DLG2: variants seen among roughly 807,000 people sequenced by gnomAD.
DLG2 encodes discs large MAGUK scaffold protein 2, also known as disks large homolog 2.
In DLG2, 45 loss-of-function variants were observed where a neutral mutation model predicts 132.5. That is an observed-to-expected ratio of 0.34 (90% CI 0.27 to 0.44). The LOEUF is 0.44. Ranked by LOEUF, DLG2 falls within the 20% of genes least tolerant of loss-of-function variation. The probability of loss-of-function intolerance (pLI) is 1.00; values close to 1 mark genes in which losing one functional copy is unlikely to be tolerated. For synonymous variants in DLG2, 424 were observed against 419.6 expected (o/e 1.01, Z -0.13); for missense variants, 1,045 against 1,196.9 (o/e 0.87, Z 1.87).
chr11:83,924,683 C>T (rs918049215), intron 15 of DLG2, among the ~76,000 whole-genome samples: 7 of 152,080 alleles, frequency 4.6e-5, no homozygotes, highest in African/African-American at 1.7e-4. Flanking sequence ...TCATTCTCAC[C>T]TCAGCCTGAG....
intron 16 of DLG2, among the ~76,000 whole-genome samples, chr11:83,855,167 CA>C (rs1248930725): frequency 2.0e-5 from 3 of 152,120 alleles, no homozygotes; most frequent in Admixed American, 2.0e-4. Flanking sequence ...AGAATACTGA[CA>C]AAAACAAATG....
intron 21 of DLG2, among the ~76,000 whole-genome samples, chr11:83,517,073 C>G (rs2095320623): frequency 6.6e-6 from 1 of 152,124 alleles, no homozygotes. Flanking sequence ...GTTGGCCTGC[C>G]TTGCTAGATT....
rs558597260 is a variant in DLG2 at position 84,533,905 on chromosome 11, C to CAAAAAAA, written c.519+658_519+664dup. Among the ~76,000 whole-genome samples the CAAAAAAA allele has an allele frequency of 3.0e-3, 212 of 70,282 alleles. 16 individuals carry two copies. The highest frequency in any genetic ancestry group is 3.9e-3 in the Non-Finnish European group (147 of 37,686). 46.1% of individuals were successfully genotyped at this position (70,282 alleles called of 152,430 possible). ...CAAAATCCAGTAGCGCCAGTTCAGC[C>CAAAAAAA]AAAAAAAAAAAAAAAAAAAAAAAAA... On this transcript the variant is annotated intron_variant, in intron 7 of 27. Transcript: ENST00000376104.
chr11:84,013,596 T>C (rs1363250252), intron 11 of DLG2, among the ~76,000 whole-genome samples: 1 of 151,880 alleles, frequency 6.6e-6, no homozygotes, highest in East Asian at 1.9e-4. Flanking sequence ...CAGCTGGGCG[T>C]GGTGGCTCAC....
At chr11:83,945,526 A>T (rs77559735) in intron 14 of DLG2, among the ~76,000 whole-genome samples, 11,641 of 152,278 alleles carry the variant, frequency 0.076, 609 homozygotes, top group Non-Finnish European at 0.12. Flanking sequence ...CTGAGAGAAA[A>T]GGCAGGCAAG....
intron 18 of DLG2, among the ~76,000 whole-genome samples, chr11:83,748,923 G>A (rs35627230): frequency 0.064 from 9,773 of 151,972 alleles, 358 homozygotes; most frequent in Middle Eastern, 0.1. Flanking sequence ...AATATTTTCC[G>A]TACTCTTTTA....
chr11:83,750,506 T>C (rs1365301807), intron 18 of DLG2, among the ~76,000 whole-genome samples: 1 of 152,196 alleles, frequency 6.6e-6, no homozygotes, highest in Non-Finnish European at 1.5e-5. Context: ...TGAGGTGCCA[T>C]AGAAGCAATA....
intron 6 of DLG2, among the ~76,000 whole-genome samples, chr11:84,550,115 TACAC>T (rs60598747): frequency 0.075 from 10,954 of 145,780 alleles, 446 homozygotes; most frequent in African/African-American, 0.11. Context: ...AACGAGCCTA[TACAC>T]ACACACACAC....
At chr11:85,002,904 C>A (rs574167619) in intron 6 of DLG2, among the ~76,000 whole-genome samples, 2 of 151,738 alleles carry the variant, frequency 1.3e-5, no homozygotes, top group Non-Finnish European at 2.9e-5. Context: ...TTTTCTCTTT[C>A]TTATTATAGT....
intron 6 of DLG2, among the ~76,000 whole-genome samples, chr11:84,976,909 T>C (rs757345979): frequency 5.9e-5 from 9 of 152,186 alleles, no homozygotes; most frequent in Non-Finnish European, 1.2e-4. Flanking sequence ...ACATATCTCC[T>C]GTTTTACATT....
chr11:83,742,210 A>ACCACACACACACACACACAC (rs71463182), intron 18 of DLG2, among the ~76,000 whole-genome samples: 35 of 147,106 alleles, frequency 2.4e-4, no homozygotes, highest in African/African-American at 8.5e-4. Flanking sequence ...CCACACTTTT[A>ACCACACACACACACACACAC]ACACACACAC....
intron 6 of DLG2, among the ~76,000 whole-genome samples, chr11:85,040,964 T>C (rs140530779): frequency 2.0e-5 from 3 of 151,834 alleles, no homozygotes; most frequent in Non-Finnish European, 4.4e-5. Flanking sequence ...TAGTAATAGG[T>C]GGAGCTGGTT....
At chr11:85,001,532 C>T (rs2058211231) in intron 6 of DLG2, among the ~76,000 whole-genome samples, 1 of 152,066 alleles carries the variant, frequency 6.6e-6, no homozygotes, top group Non-Finnish European at 1.5e-5. Context: ...ATATGAGTGA[C>T]ATGGATGGTT....
chr11:85,441,783 G>T (rs537973419), intron 3 of DLG2, among the ~76,000 whole-genome samples: 5 of 152,098 alleles, frequency 3.3e-5, no homozygotes, highest in Admixed American at 3.3e-4. Context: ...ATATAAAAAT[G>T]AATGACAGAC....
intron 6 of DLG2, among the ~76,000 whole-genome samples, chr11:84,874,743 G>A (rs2086057730): frequency 6.6e-6 from 1 of 152,006 alleles, no homozygotes; most frequent in African/African-American, 2.4e-5. Flanking sequence ...GATTTAGGCC[G>A]AGCACTGTGG....
intron 7 of DLG2, among the ~76,000 whole-genome samples, chr11:84,441,095 T>C (rs2099015921): frequency 6.6e-6 from 1 of 151,722 alleles, no homozygotes; most frequent in Admixed American, 6.6e-5. Context: ...TTGATATGTA[T>C]ATTTGATAGT....
chr11:83,485,053 G>T (rs115302035), intron 21 of DLG2, among the ~76,000 whole-genome samples: 1,730 of 152,156 alleles, frequency 0.011, 23 homozygotes, highest in African/African-American at 0.038. Context: ...TGCTAAAGGG[G>T]TATTAACTTG....
intron 2 of DLG2, among the ~76,000 whole-genome samples, chr11:85,606,051 G>A (rs759388957): frequency 9.2e-5 from 14 of 152,176 alleles, no homozygotes; most frequent in Non-Finnish European, 1.8e-4. Flanking sequence ...GATGGCATAC[G>A]TACAATGTTA....
chr11:85,239,441 T>C (rs777676200), intron 4 of DLG2, among the ~76,000 whole-genome samples: 2 of 152,078 alleles, frequency 1.3e-5, no homozygotes, highest in African/African-American at 2.4e-5. Flanking sequence ...CTACATATAC[T>C]TTATTCATTC....
Sources: gnomAD v4.1 joint callset for allele counts (sites outside exome capture counted in the v4.1 genomes callset) on GRCh38, gnomAD v4.1.1 for gene constraint, MANE v1.5 for transcripts, NCBI Gene and HGNC (gene_info 2026-07-23, HGNC 2026-07-21) for gene names.